SRCAP: variants seen among roughly 807,000 people sequenced by gnomAD.
The protein encoded by SRCAP is chromatin remodeling protein SRCAP.
In SRCAP, 46 loss-of-function variants were observed where a neutral mutation model predicts 263.1. The ratio of observed to expected loss-of-function variants is 0.17; its 90% confidence interval spans 0.14 to 0.22. The LOEUF is 0.22. Among genes scored for constraint, SRCAP ranks in the 10% least tolerant of loss-of-function variants. The probability of loss-of-function intolerance (pLI) is 1.00; values close to 1 mark genes in which losing one functional copy is unlikely to be tolerated. For synonymous variants in SRCAP, 1,813 were observed against 1,662.1 expected (o/e 1.09, Z -2.21); for missense variants, 3,695 against 4,181.9 (o/e 0.88, Z 3.21).
Position 30,733,921 on chromosome 16 carries a change from G to C in SRCAP, c.6522G>C (p.Glu2174Asp). Residue 2174 changes from glutamate (E) to aspartate (D), a missense_variant, in exon 30 of 34, where the codon GAG (glutamate) becomes GAC (aspartate). Coordinates refer to ENST00000262518, the MANE Select transcript of SRCAP (RefSeq NM_006662.3). This position sits in a 1 kb window ranked among gnomAD's most constrained non-coding sequence, Gnocchi z 5.3. ...YRLISERTVEENILKKANQKR... is the reference protein window; with the variant it reads ...YRLISERTVEDNILKKANQKR... ...TTATCAGTGAACGGACAGTGGAGGA[G>C]AACATCCTAAAAAAGGCAAATCAGA... 6.2e-7 allele frequency: 1 copy of C among 1,614,098 alleles called. No homozygotes were observed. The highest frequency in any genetic ancestry group is 8.5e-7 in the Non-Finnish European group (1 of 1,180,024).
intron 30 of SRCAP, 80 bp from the exon 31 acceptor site, chr16:30,734,416 C>G: frequency 2.5e-6 from 4 of 1,578,446 alleles, no homozygotes; most frequent in Non-Finnish European, 3.5e-6. Flanking sequence ...CTGACAGTTC[C>G]AAGAACCATC....
At position 30,737,366 on chromosome 16, in the gene SRCAP, G is replaced by T. The variant is rs769805865; in HGVS notation, c.7326G>T (p.Arg2442Ser). The change falls in exon 34 of 34, where the codon AGG becomes AGT. Residue 2442 changes from arginine (R) to serine (S), a missense_variant. Around this residue, in one of 12 missense-constraint regions of SRCAP, gnomAD observed 1,207 missense variants for 1,142.9 expected, o/e 1.06. Coordinates refer to ENST00000262518, the MANE Select transcript of SRCAP (RefSeq NM_006662.3). ...ARERVPRPAP[R>S]PRPTPASAPA... ...AGCGAGTTCCCAGGCCAGCACCTAG[G>T]CCTCGACCCACTCCAGCTTCAGCTC... The T allele has an allele frequency of 6.2e-7, 1 of 1,613,774 alleles. No homozygotes were observed. Among genetic ancestry groups the T allele is most frequent in the Non-Finnish European group, 8.5e-7 (1 of 1,179,914 alleles).
Position 30,739,033 on chromosome 16 carries a change from T to C in SRCAP, c.8993T>C (p.Ile2998Thr). ...GCCAACACTGTCACCACTGTCACCATTTCAACGTCCCCACCCAAACGGAAG... is the reference window on the plus strand; with the variant it reads ...GCCAACACTGTCACCACTGTCACCACTTCAACGTCCCCACCCAAACGGAAG... ...TVANTVTTVT[I>T]STSPPKRKRG... The change falls in exon 34 of 34, where the codon ATT becomes ACT. Residue 2998 changes from isoleucine (I) to threonine (T), a missense_variant. Ile to Thr is a moderately conservative substitution (Grantham distance 89). Around this residue, in one of 12 missense-constraint regions of SRCAP, gnomAD observed 1,207 missense variants for 1,142.9 expected, o/e 1.06. Transcript: ENST00000262518. The C allele has an allele frequency of 1.2e-6, 2 of 1,614,174 alleles. No homozygotes were observed. Among genetic ancestry groups the C allele is most frequent in the Non-Finnish European group, 1.7e-6 (2 of 1,180,026 alleles).
Position 30,710,110 on chromosome 16 carries a change from G to A in SRCAP, c.1116G>A (p.Glu372=). The A allele has an allele frequency of 1.9e-6, 3 of 1,613,854 alleles. No homozygotes were observed. Among genetic ancestry groups the A allele is most frequent in the Non-Finnish European group, 2.5e-6 (3 of 1,179,834 alleles). The change falls in exon 8 of 34, where the codon GAG becomes GAA. Residue 372 remains glutamate (E), a synonymous_variant. Transcript: ENST00000262518. ...GGCCTGAAGAAGGTGCTGAAGAAGAGCCCCCTCAGGTGTTGGAGGTATAGG... is the reference window on the plus strand; with the variant it reads ...GGCCTGAAGAAGGTGCTGAAGAAGAACCCCCTCAGGTGTTGGAGGTATAGG... ...RDGPEEGAEE[E]PPQVLEIKPP... is the part of the protein sequence containing the mutation.
Position 30,738,914 on chromosome 16 carries a change from G to A in SRCAP, c.8874G>A (p.Gly2958=), listed in dbSNP as rs1260463271. 1 of 1,614,082 alleles carries A rather than the reference G, an allele frequency of 6.2e-7. No homozygotes were observed. The highest frequency in any genetic ancestry group is 8.5e-7 in the Non-Finnish European group (1 of 1,180,020). Residue 2958 remains glycine, a synonymous_variant, in exon 34 of 34, where the codon GGG becomes GGA. Coordinates refer to ENST00000262518, the MANE Select transcript of SRCAP (RefSeq NM_006662.3). The stretch of plus-strand genomic sequence containing the variant: ...TCCCTGGGACCATTTCCTCTGCAGG[G>A]GATGGCAACTCCGAAAGTCGGACAC... ...LPIPGTISSA[G]DGNSESRTQP...
At chr16:30,732,970 G>A (rs2053127342) in intron 27 of SRCAP, among the ~76,000 whole-genome samples, 1 of 152,062 alleles carries the variant, frequency 6.6e-6, no homozygotes, top group African/African-American at 2.4e-5. Flanking sequence ...TGAGTAGCTG[G>A]GATTACAGTC....
intron 14 of SRCAP, 116 bp downstream of exon 14, chr16:30,712,931 T>A: frequency 7.3e-7 from 1 of 1,363,574 alleles, no homozygotes; most frequent in Non-Finnish European, 9.8e-7. Context: ...TTTTTTAATT[T>A]TTTGTAAAAA....
chr16:30,716,249 AG>A, intron 17 of SRCAP, 43 bp from the exon 18 acceptor site: 1 of 1,613,552 alleles, frequency 6.2e-7, no homozygotes, highest in East Asian at 2.2e-5. Context: ...ATTGGAGTGT[AG>A]GTGGCTGTTA....
intron 24 of SRCAP, 46 bp from the exon 25 acceptor site, chr16:30,723,538 G>A (rs752849061): frequency 1.3e-6 from 2 of 1,573,498 alleles, no homozygotes; most frequent in East Asian, 2.2e-5. Flanking sequence ...GAGTAGAAAG[G>A]CTCAGGAAAA....
Position 30,704,320 on chromosome 16 carries a change from G to A in SRCAP, c.306+5G>A. ...ATTGCAGAACAGGCCAAGCATGTAC[G>A]TATTAGAAAGGCTTATGAAGATTCT... On this transcript the variant is annotated splice_donor_5th_base_variant and intron_variant, in intron 4 of 33. Transcript: ENST00000262518. The A allele has an allele frequency of 1.9e-6, 3 of 1,583,746 alleles. No homozygotes were observed. The highest frequency in any genetic ancestry group is 1.7e-6 in the Non-Finnish European group (2 of 1,160,040).
At position 30,737,560 on chromosome 16, in the gene SRCAP, C is replaced by G. The variant is rs2053173193; in HGVS notation, c.7520C>G (p.Pro2507Arg). 2 of 1,613,916 alleles carry G rather than the reference C, an allele frequency of 1.2e-6. No homozygotes were observed. Among genetic ancestry groups the G allele is most frequent in the Admixed American group, 3.3e-5 (2 of 60,004 alleles). ...TGCACCCCTCCTCCTGCCTGTACCC[C>G]TCCACCAGCTCATACACCGCCTCCA... ...PACTPPPACT[P>R]PPAHTPPPAQ... The change falls in exon 34 of 34, where the codon CCT becomes CGT. Residue 2507 changes from proline to arginine, a missense_variant. By Grantham distance (103) the Pro-to-Arg change is moderately radical. Transcript: ENST00000262518.
At chr16:30,715,613 T>C (rs1031201176) in intron 16 of SRCAP, among the ~76,000 whole-genome samples, 9 of 152,122 alleles carry the variant, frequency 5.9e-5, no homozygotes, top group Non-Finnish European at 1.2e-4. Flanking sequence ...CTATTACTTT[T>C]CCTTCATTTA....
chr16:30,734,649 C>T, intron 31 of SRCAP, 34 bp downstream of exon 31: 1 of 1,613,366 alleles, frequency 6.2e-7, no homozygotes, highest in Non-Finnish European at 8.5e-7. Flanking sequence ...TAAAGTTGAG[C>T]TGATTCTTAC....
chr16:30,737,166 G>A lies in SRCAP; in HGVS notation c.7126G>A (p.Gly2376Arg). The A allele has an allele frequency of 6.2e-7, 1 of 1,613,998 alleles. No homozygotes were observed. The highest frequency in any genetic ancestry group is 8.5e-7 in the Non-Finnish European group (1 of 1,179,986). ...GGATGAGAGTTCCTGTGGGACTGGT[G>A]GAGGCACCCACCGGCGCAGTAAAAA... ...AGDESSCGTG[G>R]GTHRRSKKAK... The change falls in exon 34 of 34, where the codon GGA becomes AGA. Residue 2376 changes from glycine to arginine, a missense_variant. Coordinates refer to ENST00000262518, the MANE Select transcript of SRCAP (RefSeq NM_006662.3).
chr16:30,736,899 C>A, intron 33 of SRCAP, 150 bp from the exon 34 acceptor site: 1 of 919,664 alleles, frequency 1.1e-6, no homozygotes, highest in Non-Finnish European at 1.6e-6. Flanking sequence ...GTCTTGAACT[C>A]CTGACCTCAG....
rs1043585494 is a variant in SRCAP at position 30,735,964 on chromosome 16, C to T, written c.6730-236C>T. Among the ~76,000 whole-genome samples the T allele has an allele frequency of 2.2e-4, 33 of 150,012 alleles. 1 individual carries two copies. Among genetic ancestry groups the T allele is most frequent in the African/African-American group, 8.1e-4 (33 of 40,692 alleles). ...GGCTGACTTTAAAGGAAGGGAAGTA[C>T]AGCGAGCAATCTCAAAAATACTCAT... On this transcript the variant is annotated intron_variant, in intron 31 of 33. Transcript: ENST00000262518.
intron 8 of SRCAP, 104 bp downstream of exon 8, chr16:30,710,232 T>C (rs932174873): frequency 5.9e-6 from 7 of 1,196,480 alleles, no homozygotes; most frequent in Non-Finnish European, 3.5e-6. Flanking sequence ...TTAGGAGTTC[T>C]GCTAGTAATG....
chr16:30,722,077 G>T, intron 21 of SRCAP, 45 bp from the exon 22 acceptor site: 2 of 1,585,744 alleles, frequency 1.3e-6, no homozygotes, highest in South Asian at 2.3e-5. Context: ...AAGTGGTGTT[G>T]AGCAGGATGA....
chr16:30,711,544 A>G (rs1308627288), intron 10 of SRCAP, 27 bp from the exon 11 acceptor site: 6 of 1,560,888 alleles, frequency 3.8e-6, no homozygotes, highest in Non-Finnish European at 5.2e-6. Flanking sequence ...CCTCAGAGCA[A>G]CCAAAAGCTT....
Sources: allele counts gnomAD v4.1 joint callset (sites outside exome capture counted in the v4.1 genomes callset), GRCh38; gene constraint gnomAD v4.1.1; regional missense constraint gnomAD v4.1.1; non-coding constraint Gnocchi (gnomAD v3.1); transcripts MANE v1.5; gene names NCBI Gene and HGNC (gene_info 2026-07-23, HGNC 2026-07-21).